PTPRK: variants seen among roughly 807,000 people sequenced by gnomAD.
PTPRK encodes protein tyrosine phosphatase receptor type K, also known as receptor-type tyrosine-protein phosphatase kappa.
Under a neutral mutation model 178.0 loss-of-function variants are expected in PTPRK, and 75 were observed. The observed-to-expected ratio is 0.42, with a 90% CI of 0.35 to 0.51. PTPRK has a LOEUF of 0.51. PTPRK is among the 20% of genes least tolerant of loss of function. The pLI is 0.02. For synonymous variants in PTPRK, 637 were observed against 620.6 expected, an observed-to-expected ratio of 1.03 and a Z score of -0.39; for missense variants, 1,441 against 1,797.8, an observed-to-expected ratio of 0.80 and a Z score of 3.59.
chr6:128,242,707 A>T (rs1562857088), intron 3 of PTPRK, 105 bp from the exon 4 acceptor site: 1 of 1,436,388 alleles, frequency 7.0e-7, no homozygotes, highest in Non-Finnish European at 9.1e-7. Context: ...ATTTTTGTTC[A>T]GTAAGAATTA....
intron 13 of PTPRK, among the ~76,000 whole-genome samples, chr6:128,053,401 C>A (rs984585606): frequency 6.6e-6 from 1 of 152,080 alleles, no homozygotes; most frequent in Non-Finnish European, 1.5e-5. Context: ...ATGGGCCACC[C>A]TCTTGCGTGG....
At chr6:127,983,055 A>G (rs1015376387) in intron 23 of PTPRK, 75 bp from the exon 24 acceptor site, 2 of 1,466,226 alleles carry the variant, frequency 1.4e-6, no homozygotes, top group African/African-American at 2.8e-5. Flanking sequence ...TAGGAAATAC[A>G]GAAAATTTTC....
chr6:128,387,827 T>C (rs1246851897), intron 2 of PTPRK, among the ~76,000 whole-genome samples: 1 of 151,980 alleles, frequency 6.6e-6, no homozygotes, highest in East Asian at 1.9e-4. Context: ...ATGCATGAAA[T>C]TAAGGGAAAC....
intron 1 of PTPRK, among the ~76,000 whole-genome samples, chr6:128,456,994 T>C (rs1349739830): frequency 2.6e-5 from 4 of 152,146 alleles, no homozygotes. Context: ...AAATCCTATT[T>C]GGTCCTGCAG....
intron 10 of PTPRK, among the ~76,000 whole-genome samples, chr6:128,081,402 C>T (rs1406606770): frequency 6.6e-6 from 1 of 151,814 alleles, no homozygotes; most frequent in Non-Finnish European, 1.5e-5. Flanking sequence ...ATTCATGATA[C>T]AAATTTTTAA....
chr6:127,971,802 G>C (rs1195249235), intron 29 of PTPRK, among the ~76,000 whole-genome samples: 1 of 152,102 alleles, frequency 6.6e-6, no homozygotes, highest in East Asian at 1.9e-4. Flanking sequence ...TGATCCCACT[G>C]ATGATTTTAA....
intron 2 of PTPRK, among the ~76,000 whole-genome samples, chr6:128,337,236 A>G (rs1013797209): frequency 4.6e-5 from 7 of 152,186 alleles, no homozygotes; most frequent in Admixed American, 4.6e-4. Flanking sequence ...GCTCAGCAGT[A>G]AACTTCTTAA....
chr6:128,296,848 TG>T (rs1395079382), intron 3 of PTPRK, among the ~76,000 whole-genome samples: 3 of 152,108 alleles, frequency 2.0e-5, no homozygotes, highest in African/African-American at 7.2e-5. Flanking sequence ...AATATCATAA[TG>T]ACAGGATCAA....
At chr6:128,017,055 T>C (rs1779669000) in intron 13 of PTPRK, among the ~76,000 whole-genome samples, 1 of 152,004 alleles carries the variant, frequency 6.6e-6, no homozygotes, top group Non-Finnish European at 1.5e-5. Flanking sequence ...TCTTAGCTCT[T>C]TTTTATGTTT....
intron 2 of PTPRK, among the ~76,000 whole-genome samples, chr6:128,334,995 G>A (rs1239483469): frequency 6.6e-6 from 1 of 152,176 alleles, no homozygotes; most frequent in African/African-American, 2.4e-5. Flanking sequence ...GGCTGAGGCT[G>A]GAGAATCGTT....
intron 29 of PTPRK, 148 bp downstream of exon 29, chr6:127,972,874 C>A: frequency 1.5e-6 from 1 of 675,822 alleles, no homozygotes; most frequent in East Asian, 2.8e-5. Context: ...GGGGGATGCT[C>A]AGCAATGTAT....
At chr6:128,464,638 CATATATATATATATATATATATATAT>C (rs10665667) in intron 1 of PTPRK, among the ~76,000 whole-genome samples, 21 of 48,608 alleles carry the variant, frequency 4.3e-4, no homozygotes, top group South Asian at 2.8e-3. Context: ...TATATATACA[CATATATATATATATATATATATATAT>C]ATATATATAT....
intron 7 of PTPRK, among the ~76,000 whole-genome samples, chr6:128,095,195 A>C (rs1431039494): frequency 6.6e-6 from 1 of 152,158 alleles, no homozygotes; most frequent in Non-Finnish European, 1.5e-5. Flanking sequence ...TCAAAACACA[A>C]AATATTAAGT....
At chr6:128,152,061 T>G (rs548108805) in intron 7 of PTPRK, among the ~76,000 whole-genome samples, 3 of 151,900 alleles carry the variant, frequency 2.0e-5, no homozygotes, top group Admixed American at 6.6e-5. Context: ...GGCTATTATC[T>G]CTGAAAAGGC....
intron 13 of PTPRK, among the ~76,000 whole-genome samples, chr6:128,009,582 T>A (rs1778829787): frequency 6.6e-6 from 1 of 151,216 alleles, no homozygotes; most frequent in African/African-American, 2.4e-5. Context: ...TAGCAACTAG[T>A]ACATTGGAAA....
chr6:128,512,894 G>A (rs1200928778), intron 1 of PTPRK, among the ~76,000 whole-genome samples: 1 of 152,076 alleles, frequency 6.6e-6, no homozygotes, highest in Non-Finnish European at 1.5e-5. Flanking sequence ...ATGAAAAAGA[G>A]AATTATAAAG....
intron 13 of PTPRK, among the ~76,000 whole-genome samples, chr6:128,055,417 AGAGTTG>A (rs1412589311): frequency 6.6e-6 from 1 of 152,202 alleles, no homozygotes; most frequent in Non-Finnish European, 1.5e-5. Flanking sequence ...GTAATGGTGT[AGAGTTG>A]GATATATTTT....
At chr6:128,138,155 G>A (rs1285375352) in intron 7 of PTPRK, among the ~76,000 whole-genome samples, 1 of 152,024 alleles carries the variant, frequency 6.6e-6, no homozygotes. Context: ...AATAATCCAC[G>A]TGTTCTTGTT....
intron 3 of PTPRK, among the ~76,000 whole-genome samples, chr6:128,289,907 T>C (rs1464434090): frequency 6.6e-6 from 1 of 152,156 alleles, no homozygotes; most frequent in African/African-American, 2.4e-5. Flanking sequence ...TGAAGTATCT[T>C]TGCACTGCAT....
Sources: allele counts gnomAD v4.1 joint callset (sites outside exome capture counted in the v4.1 genomes callset), GRCh38; gene constraint gnomAD v4.1.1; transcripts MANE v1.5; gene names NCBI Gene and HGNC (gene_info 2026-07-23, HGNC 2026-07-21).